SYT9: variants seen among roughly 807,000 people sequenced by gnomAD.
SYT9 encodes synaptotagmin 9.
SYT9 carries 22 observed loss-of-function variants against 48.4 expected under a neutral mutation model. The observed-to-expected ratio is 0.45, with a 90% CI of 0.32 to 0.65. SYT9 has a LOEUF of 0.65. SYT9 is among the 30% of genes least tolerant of loss of function. SYT9 has a pLI of 0.03. For synonymous variants in SYT9, 265 were observed against 245.0 expected (o/e 1.08, Z -0.76); for missense variants, 577 against 622.0 (o/e 0.93, Z 0.77).
intron 1 of SYT9, among the ~76,000 whole-genome samples, chr11:7,259,396 A>G (rs1309659296): frequency 6.6e-6 from 1 of 151,416 alleles, no homozygotes; most frequent in Non-Finnish European, 1.5e-5. Context: ...ATTTTTTTTT[A>G]GTGTGAATAA....
chr11:7,396,254 C>T (rs746972954), intron 3 of SYT9, among the ~76,000 whole-genome samples: 9 of 152,038 alleles, frequency 5.9e-5, no homozygotes, highest in Non-Finnish European at 2.9e-5. Flanking sequence ...CTCCTGCATC[C>T]GCCAATCACT....
At chr11:7,430,929 C>A (rs1303430173) in intron 6 of SYT9, among the ~76,000 whole-genome samples, 1 of 152,128 alleles carries the variant, frequency 6.6e-6, no homozygotes, top group Non-Finnish European at 1.5e-5. Context: ...TTCTTTATAG[C>A]AATGCAAGAA....
intron 6 of SYT9, among the ~76,000 whole-genome samples, chr11:7,442,169 C>T (rs1027516203): frequency 6.6e-6 from 1 of 152,050 alleles, no homozygotes. Flanking sequence ...CCTGCCATGT[C>T]TCTGCACATG....
intron 3 of SYT9, among the ~76,000 whole-genome samples, chr11:7,368,333 T>G (rs949671641): frequency 7.9e-6 from 1 of 126,408 alleles, no homozygotes. Context: ...GATCTGACAT[T>G]TGGATAATGG....
chr11:7,239,422 A>T (rs909050498), intron 1 of SYT9, among the ~76,000 whole-genome samples: 2 of 152,114 alleles, frequency 1.3e-5, no homozygotes, highest in African/African-American at 2.4e-5. Flanking sequence ...ACTTTCCTTC[A>T]TGTCTCATTA....
At chr11:7,418,548 A>G (rs1039813299) in intron 5 of SYT9, among the ~76,000 whole-genome samples, 1 of 152,224 alleles carries the variant, frequency 6.6e-6, no homozygotes, top group Non-Finnish European at 1.5e-5. Context: ...CAGACCATCA[A>G]CATTTCCAAA....
chr11:7,270,589 A>T (rs1848276258), intron 1 of SYT9, among the ~76,000 whole-genome samples: 1 of 152,170 alleles, frequency 6.6e-6, no homozygotes, highest in African/African-American at 2.4e-5. Context: ...TGAGTTCAGG[A>T]CTTCAGGACA....
intron 6 of SYT9, among the ~76,000 whole-genome samples, chr11:7,436,471 G>C (rs1001579193): frequency 1.3e-5 from 2 of 152,162 alleles, no homozygotes; most frequent in African/African-American, 2.4e-5. Context: ...TCAGACTGAG[G>C]GTCCATGGTG....
chr11:7,292,221 A>G (rs980116316), intron 1 of SYT9, among the ~76,000 whole-genome samples: 8 of 152,222 alleles, frequency 5.3e-5, no homozygotes, highest in African/African-American at 1.9e-4. Flanking sequence ...ATGAGAGGTT[A>G]AAACATGAAT....
At position 7,398,557 on chromosome 11, in the gene SYT9, C is replaced by G. The variant is rs1846806702; in HGVS notation, c.1045-17485C>G. Among the ~76,000 whole-genome samples, 3 of 151,978 alleles carry G rather than the reference C, an allele frequency of 2.0e-5. No homozygotes were observed. In the South Asian group the frequency reaches 6.2e-4, roughly 32 times the overall value. On this transcript the variant is annotated intron_variant, in intron 3 of 6. Transcript: ENST00000318881. ...CCCCAGTAGCTGGGACTACAGGCAC[C>G]TGCCACCACGCCCAGCTAATTTTTT...
intron 3 of SYT9, among the ~76,000 whole-genome samples, chr11:7,391,688 CCCAGGAGTTTGAGA>C (rs1238056548): frequency 7.2e-6 from 1 of 139,054 alleles, no homozygotes; most frequent in Non-Finnish European, 1.5e-5. Context: ...GTGACTTGAG[CCCAGGAGTTTGAGA>C]CCAGCATGGA....
At chr11:7,447,937 C>T (rs1402343183) in intron 6 of SYT9, among the ~76,000 whole-genome samples, 2 of 152,190 alleles carry the variant, frequency 1.3e-5, no homozygotes, top group Non-Finnish European at 2.9e-5. Flanking sequence ...CTTCCTGACT[C>T]AGAAATTAGG....
intron 6 of SYT9, among the ~76,000 whole-genome samples, chr11:7,443,686 G>A (rs113829296): frequency 2.1e-4 from 32 of 152,342 alleles, no homozygotes; most frequent in African/African-American, 7.5e-4. Context: ...TCCCAGACAG[G>A]ACTGTTGGCA....
chr11:7,399,351 T>C (rs1346289935), intron 3 of SYT9, among the ~76,000 whole-genome samples: 2 of 152,170 alleles, frequency 1.3e-5, no homozygotes, highest in African/African-American at 4.8e-5. Context: ...CTCAATCATG[T>C]ATTGAAAGAG....
chr11:7,311,727 A>C (rs538742371), intron 2 of SYT9, among the ~76,000 whole-genome samples: 1 of 152,244 alleles, frequency 6.6e-6, no homozygotes, highest in Non-Finnish European at 1.5e-5. Flanking sequence ...AGAGGGAAAT[A>C]GGGCTGGCAC....
chr11:7,393,966 T>C (rs1846692591), intron 3 of SYT9, among the ~76,000 whole-genome samples: 1 of 152,012 alleles, frequency 6.6e-6, no homozygotes, highest in Admixed American at 6.6e-5. Context: ...TTTTCTTTTT[T>C]TTTTTTTAAT....
chr11:7,300,583 G>C (rs1848900555), intron 1 of SYT9, among the ~76,000 whole-genome samples: 2 of 152,204 alleles, frequency 1.3e-5, no homozygotes, highest in Non-Finnish European at 2.9e-5. Flanking sequence ...GCTGGTGGTG[G>C]TCTCCTAGCA....
rs1384870493 is a variant in SYT9, at chr11:7,313,752, T to C, written c.855T>C (p.Phe285=). ...ACAGAAAGACCCTGAACCCTGTGTTTGATGAAGTGTTTTTATTTCCGGTTC... is the reference window on the plus strand; with the variant it reads ...ACAGAAAGACCCTGAACCCTGTGTTCGATGAAGTGTTTTTATTTCCGGTTC... ...KVHRKTLNPV[F]DEVFLFPVPY... Residue 285 remains phenylalanine (F), a synonymous_variant, in exon 3 of 7, where the codon TTT becomes TTC. Transcript: ENST00000318881. The C allele has an allele frequency of 6.2e-7, 1 of 1,614,160 alleles. No homozygotes were observed. Among genetic ancestry groups the C allele is most frequent in the South Asian group, 1.1e-5 (1 of 91,082 alleles).
intron 1 of SYT9, among the ~76,000 whole-genome samples, chr11:7,290,465 T>C (rs61889362): frequency 0.095 from 14,468 of 152,266 alleles, 885 homozygotes; most frequent in South Asian, 0.2. Context: ...TATACTGCTC[T>C]GCCTGCGTGG....
Sources: gnomAD v4.1 joint callset for allele counts (sites outside exome capture counted in the v4.1 genomes callset) on GRCh38, gnomAD v4.1.1 for gene constraint, MANE v1.5 for transcripts, NCBI Gene and HGNC (gene_info 2026-07-23, HGNC 2026-07-21) for gene names.